GCA: variants seen among roughly 807,000 people sequenced by gnomAD.
GCA encodes grancalcin, EF-hand calcium-binding protein.
In GCA, 30 loss-of-function variants were observed where a neutral mutation model predicts 32.6. The observed-to-expected ratio is 0.92, with a 90% CI of 0.69 to 1.25. The LOEUF (loss-of-function observed/expected upper bound fraction) is 1.25, where lower values mean the gene tolerates loss of function less well. Ranked by LOEUF, GCA falls within the 50% of genes most tolerant of loss-of-function variation. GCA has a pLI of 0.00. For synonymous variants in GCA, 102 were observed against 84.6 expected (o/e 1.21, Z -1.13); for missense variants, 291 against 266.8 (o/e 1.09, Z -0.63).
rs1314290993 is a variant in GCA, at chr2:162,356,805, G to A, written c.354G>A (p.Trp118Ter). ...GATTTAATGCATTCAAAGAGCTATG[G>A]GCAGCTCTTAATGCCTGGAAGGAAA... ...KMGFNAFKELWAALNAWKENF... is the reference protein window; with the variant it reads ...KMGFNAFKEL The change falls in exon 5 of 8, where the codon TGG becomes TGA. Residue 118 changes from tryptophan (W) to a stop codon, truncating the protein, a stop_gained. Coordinates refer to ENST00000437150, the MANE Select transcript of GCA (RefSeq NM_012198.5). LOFTEE classifies it high-confidence loss of function. The A allele has an allele frequency of 4.4e-6, 7 of 1,603,320 alleles. No homozygotes were observed. Among genetic ancestry groups the A allele is most frequent in the Non-Finnish European group, 5.1e-6 (6 of 1,171,006 alleles).
At chr2:162,370,146 A>G (rs960816224) in intron 4 of GCA, among the ~76,000 whole-genome samples, 1 of 152,172 alleles carries the variant, frequency 6.6e-6, no homozygotes, top group Non-Finnish European at 1.5e-5. Context: ...ACAGTGCAAT[A>G]GTTTTAGTAA....
At chr2:162,343,319 A>G (rs1684510771), upstream of GCA, among the ~76,000 whole-genome samples, 1 of 151,994 alleles carries the variant, frequency 6.6e-6, no homozygotes, top group Non-Finnish European at 1.5e-5. Context: ...AGACTTGTCC[A>G]TTGCTATTAC....
downstream of GCA, among the ~76,000 whole-genome samples, chr2:162,363,342 G>T (rs1685654622): frequency 6.6e-6 from 1 of 151,286 alleles, no homozygotes; most frequent in South Asian, 2.1e-4. Context: ...TGTGTTAGAA[G>T]ATCCCAATTT....
chr2:162,353,198 C>T (rs969014061), intron 3 of GCA, among the ~76,000 whole-genome samples: 2 of 151,986 alleles, frequency 1.3e-5, no homozygotes, highest in African/African-American at 4.8e-5. Flanking sequence ...GGCCAGGCGC[C>T]GTGGCTCATG....
At chr2:162,360,067 G>A in intron 7 of GCA, 150 bp from the exon 8 acceptor site, 1 of 552,938 alleles carries the variant, frequency 1.8e-6, no homozygotes, top group Non-Finnish European at 3.2e-6. Flanking sequence ...AAGTTATGGG[G>A]TCAACATTAC....
intron 1 of GCA, among the ~76,000 whole-genome samples, chr2:162,324,782 A>G (rs934387492): frequency 6.6e-6 from 1 of 152,104 alleles, no homozygotes; most frequent in African/African-American, 2.4e-5. Flanking sequence ...GCACTTCCAT[A>G]TCATTTATCC....
downstream of GCA, among the ~76,000 whole-genome samples, chr2:162,366,367 T>C (rs1201999317): frequency 6.6e-6 from 1 of 151,898 alleles, no homozygotes; most frequent in Non-Finnish European, 1.5e-5. Flanking sequence ...TTTCTATAGA[T>C]GTTTTGATGT....
chr2:162,361,720 C>T lies in GCA; in HGVS notation c.*1477C>T. On this transcript the variant is annotated 3_prime_UTR_variant, in exon 8 of 8. Transcript: ENST00000437150. ...AATAGGTAATACACATAATTTTGTT[C>T]TCTGGCTTTTTTATGAACATATATT... 2 of 982,622 alleles carry T rather than the reference C, an allele frequency of 2.0e-6. No individual in the cohort carries two copies. The highest frequency in any genetic ancestry group is 2.4e-6 in the Non-Finnish European group (2 of 827,600). The allele number at this position is 982,622 out of a possible 1,614,324, so 60.9% of individuals were successfully genotyped here.
intron 1 of GCA, 68 bp downstream of exon 1, chr2:162,344,343 A>G: frequency 1.4e-5 from 21 of 1,493,750 alleles, no homozygotes; most frequent in Non-Finnish European, 2.0e-5. Context: ...GGCGGTGCCA[A>G]CGTGCGGGTC....
chr2:162,319,247 A>G (rs1180875028), intron 1 of GCA: 1 of 456,980 alleles, frequency 2.2e-6, no homozygotes, highest in Non-Finnish European at 4.4e-6. Context: ...AAAGTGAGTA[A>G]CAATAAACAG....
intron 2 of GCA, among the ~76,000 whole-genome samples, chr2:162,351,232 T>C (rs1684982980): frequency 6.6e-6 from 1 of 152,238 alleles, no homozygotes; most frequent in African/African-American, 2.4e-5. Flanking sequence ...CTTCTACTTT[T>C]CCACACAGCA....
At chr2:162,353,297 G>A (rs150029203) in intron 3 of GCA, among the ~76,000 whole-genome samples, 286 of 152,134 alleles carry the variant, frequency 1.9e-3, no homozygotes, top group Non-Finnish European at 3.2e-3. Flanking sequence ...GTGAAACCCC[G>A]TCTCTACTAA....
intron 1 of GCA, among the ~76,000 whole-genome samples, chr2:162,327,008 C>T (rs190871262): frequency 7.7e-4 from 117 of 152,306 alleles, no homozygotes; most frequent in Admixed American, 2.7e-3. Flanking sequence ...CTCACCTATG[C>T]CTCCCTTTCT....
At chr2:162,324,507 C>G (rs1398099990) in intron 1 of GCA, among the ~76,000 whole-genome samples, 1 of 152,136 alleles carries the variant, frequency 6.6e-6, no homozygotes, top group African/African-American at 2.4e-5. Flanking sequence ...CCTTCAGCCT[C>G]CTATGTGTTT....
chr2:162,351,515 G>T (rs1477587116), intron 2 of GCA, among the ~76,000 whole-genome samples: 2 of 152,146 alleles, frequency 1.3e-5, no homozygotes, highest in Non-Finnish European at 2.9e-5. Context: ...CTGCAGTTTT[G>T]TAAGGGGTTC....
intron 5 of GCA, among the ~76,000 whole-genome samples, chr2:162,357,594 G>A (rs973360626): frequency 6.6e-6 from 1 of 151,734 alleles, no homozygotes; most frequent in Non-Finnish European, 1.5e-5. Flanking sequence ...CCCAATGGAA[G>A]TGGGCTTATC....
chr2:162,368,178 G>A (rs1032382099), intron 4 of GCA, among the ~76,000 whole-genome samples: 43 of 151,850 alleles, frequency 2.8e-4, no homozygotes, highest in Non-Finnish European at 4.9e-4. Context: ...GTTGGTTGGA[G>A]GACCACTCTT....
At chr2:162,363,460 A>T (rs999289469), downstream of GCA, among the ~76,000 whole-genome samples, 5 of 151,418 alleles carry the variant, frequency 3.3e-5, no homozygotes, top group Non-Finnish European at 5.9e-5. Flanking sequence ...ATAATACTAG[A>T]TGATACAAAT....
rs1296061080 is a variant in GCA, at chr2:162,360,817, A to T, written c.*574A>T. The T allele has an allele frequency of 8.2e-7, 1 of 1,222,044 alleles. No homozygotes were observed. The highest frequency in any genetic ancestry group is 1.0e-6 in the Non-Finnish European group (1 of 959,044). 75.7% of individuals were successfully genotyped at this position (1,222,044 alleles called of 1,614,324 possible). A position where few individuals can be genotyped will look rare whatever the true frequency, so the allele number is the denominator to read the frequency against. On this transcript the variant is annotated 3_prime_UTR_variant, in exon 8 of 8. Transcript: ENST00000437150. Reference sequence around the variant, plus strand: ...CCCTAGTTCAATCTGTAGTGAAATAAGACTACAGAAGGCATTGTTTTTTCC... The same window carrying T: ...CCCTAGTTCAATCTGTAGTGAAATATGACTACAGAAGGCATTGTTTTTTCC...
Sources: gnomAD v4.1 joint callset for allele counts (sites outside exome capture counted in the v4.1 genomes callset) on GRCh38, gnomAD v4.1.1 for gene constraint, MANE v1.5 for transcripts, NCBI Gene and HGNC (gene_info 2026-07-23, HGNC 2026-07-21) for gene names.